The following SNX7 variants were observed in gnomAD, a reference collection of about 807,000 sequenced individuals.
SNX7 encodes the protein sorting nexin-7.
Under a neutral mutation model 48.4 loss-of-function variants are expected in SNX7, and 35 were observed. The observed-to-expected ratio is 0.72, with a 90% CI of 0.55 to 0.96. SNX7 has a LOEUF of 0.96. Among genes scored for constraint, SNX7 ranks in the 40% least tolerant of loss-of-function variants. SNX7 has a pLI of 0.00. For synonymous variants in SNX7, 190 were observed against 190.2 expected, an observed-to-expected ratio of 1.00 and a Z score of 0.01; for missense variants, 553 against 548.9, an observed-to-expected ratio of 1.01 and a Z score of -0.07.
chr1:98,678,017 G>A (rs980637218), intron 1 of SNX7, among the ~76,000 whole-genome samples: 4 of 150,430 alleles, frequency 2.7e-5, no homozygotes, highest in Non-Finnish European at 4.4e-5. Flanking sequence ...GTGTGTGTGT[G>A]TGTGTGTTAG....
At chr1:98,692,305 C>T (rs1651183964) in intron 4 of SNX7, among the ~76,000 whole-genome samples, 1 of 152,058 alleles carries the variant, frequency 6.6e-6, no homozygotes, top group Admixed American at 6.6e-5. Flanking sequence ...AATATACCAA[C>T]AGTATTCTAC....
chr1:98,692,463 C>T (rs182542140), intron 4 of SNX7, among the ~76,000 whole-genome samples: 1 of 152,218 alleles, frequency 6.6e-6, no homozygotes, highest in Admixed American at 6.5e-5. Flanking sequence ...TTCTCTGCTT[C>T]TTGGGAACAT....
chr1:98,685,417 A>G (rs113651327), intron 2 of SNX7, among the ~76,000 whole-genome samples: 5 of 152,196 alleles, frequency 3.3e-5, no homozygotes, highest in African/African-American at 9.6e-5. Context: ...ACAGTTCGCA[A>G]TATTATGTAT....
chr1:98,756,434 T>TTTTTG, intron 8 of SNX7, among the ~76,000 whole-genome samples: 1 of 145,738 alleles, frequency 6.9e-6, no homozygotes, highest in Non-Finnish European at 1.5e-5. Flanking sequence ...TTTTTTTTTT[T>TTTTTG]TTTTTTTTTT....
At chr1:98,663,405 G>T (rs915349531) in intron 1 of SNX7, among the ~76,000 whole-genome samples, 7 of 151,010 alleles carry the variant, frequency 4.6e-5, no homozygotes, top group Non-Finnish European at 8.8e-5. Context: ...CTTGTCAAGT[G>T]GTTTCTCTTT....
intron 7 of SNX7, among the ~76,000 whole-genome samples, chr1:98,727,434 C>T (rs571061410): frequency 1.1e-4 from 16 of 152,104 alleles, no homozygotes; most frequent in East Asian, 9.7e-4. Context: ...AAAAAATACA[C>T]GCTGAAAACT....
intron 1 of SNX7, among the ~76,000 whole-genome samples, chr1:98,673,862 C>CACATA (rs1467223429): frequency 5.3e-5 from 8 of 152,170 alleles, no homozygotes; most frequent in African/African-American, 1.9e-4. Context: ...GTTGCTAAGG[C>CACATA]ACATAGTCTC....
chr1:98,716,617 A>G (rs1652604646), intron 7 of SNX7, among the ~76,000 whole-genome samples: 1 of 152,164 alleles, frequency 6.6e-6, no homozygotes, highest in Non-Finnish European at 1.5e-5. Context: ...AGATTTTGAT[A>G]AGAAAGTTAA....
At chr1:98,661,501 G>A (rs1450658407), upstream of SNX7, among the ~76,000 whole-genome samples, 1 of 152,094 alleles carries the variant, frequency 6.6e-6, no homozygotes, top group South Asian at 2.1e-4. Flanking sequence ...TTTCTCCAAC[G>A]TAGCCGGAGT....
At chr1:98,721,340 A>G (rs865936417) in intron 7 of SNX7, among the ~76,000 whole-genome samples, 6 of 152,142 alleles carry the variant, frequency 3.9e-5, no homozygotes, top group African/African-American at 7.2e-5. Flanking sequence ...TGTGTTATAA[A>G]CTGTGCACGT....
intron 7 of SNX7, among the ~76,000 whole-genome samples, chr1:98,712,476 T>C (rs528056482): frequency 6.6e-6 from 1 of 152,310 alleles, no homozygotes; most frequent in Admixed American, 6.5e-5. Context: ...ACATTGTCAA[T>C]AAACAGTAAT....
intron 8 of SNX7, among the ~76,000 whole-genome samples, chr1:98,739,689 A>G (rs1265334784): frequency 1.2e-5 from 1 of 82,938 alleles, no homozygotes; most frequent in Non-Finnish European, 2.9e-5. Flanking sequence ...GAGTTGCCAG[A>G]TAAGAGTGTG....
intron 5 of SNX7, 108 bp downstream of exon 5, chr1:98,695,824 T>A (rs1375217224): frequency 2.4e-6 from 2 of 830,648 alleles, no homozygotes; most frequent in African/African-American, 3.4e-5. Context: ...AGCTTCAAAG[T>A]GTGGCTTATT....
chr1:98,694,629 A>G lies in SNX7; in HGVS notation c.640-889A>G, dbSNP rs574333565. On this transcript the variant is annotated intron_variant, in intron 4 of 8. Coordinates refer to ENST00000306121, the MANE Select transcript of SNX7 (RefSeq NM_015976.5). ...TTTTTTTTTTTTTTTTTTTTTTGAG[A>G]TGGAGTCTCGCTCTGTGGCTCAGGC... 2.2e-4 allele frequency among the ~76,000 whole-genome samples: 10 copies of G among 44,966 alleles called. No individual in the cohort carries two copies. The South Asian group carries it at 8.4e-3, about 38-fold the overall frequency. The allele number at this position is 44,966 out of a possible 152,430, so 29.5% of individuals were successfully genotyped here. A position where few individuals can be genotyped will look rare whatever the true frequency, so the allele number is the denominator to read the frequency against.
chr1:98,694,092 TG>T (rs1188408692), intron 4 of SNX7, among the ~76,000 whole-genome samples: 1 of 152,084 alleles, frequency 6.6e-6, no homozygotes. Flanking sequence ...TTTTCTCAGC[TG>T]GGCGCGGTGG....
intron 7 of SNX7, among the ~76,000 whole-genome samples, chr1:98,720,029 G>A (rs952192851): frequency 2.0e-5 from 3 of 151,264 alleles, no homozygotes; most frequent in African/African-American, 4.9e-5. Flanking sequence ...TGCTGCCTTC[G>A]AAATATACTT....
intron 7 of SNX7, among the ~76,000 whole-genome samples, chr1:98,720,906 G>A (rs1652833302): frequency 6.6e-6 from 1 of 152,088 alleles, no homozygotes; most frequent in Admixed American, 6.6e-5. Flanking sequence ...AGACAGAAAA[G>A]AGATGAATGT....
intron 1 of SNX7, chr1:98,662,578 T>A (rs1649306731): frequency 4.3e-6 from 4 of 928,330 alleles, no homozygotes; most frequent in Non-Finnish European, 5.7e-6. Flanking sequence ...TCTTATTTGC[T>A]TATTTTACTG....
chr1:98,682,594 A>T (rs1011361081), intron 1 of SNX7, among the ~76,000 whole-genome samples: 1 of 152,194 alleles, frequency 6.6e-6, no homozygotes, highest in East Asian at 1.9e-4. Flanking sequence ...TGAAGACATT[A>T]GTTTATTATC....
Sources: allele counts gnomAD v4.1 joint callset (sites outside exome capture counted in the v4.1 genomes callset), GRCh38; gene constraint gnomAD v4.1.1; transcripts MANE v1.5; gene names NCBI Gene and HGNC (gene_info 2026-07-23, HGNC 2026-07-21).